Variants in ADGRG4 observed in about 807,000 individuals in gnomAD.
The protein encoded by ADGRG4 is adhesion G protein-coupled receptor G4.
In ADGRG4, 122 loss-of-function variants were observed where a neutral mutation model predicts 126.2. That is an observed-to-expected ratio of 0.97 (90% CI 0.83 to 1.12). The LOEUF (loss-of-function observed/expected upper bound fraction) is 1.12, where lower values mean the gene tolerates loss of function less well. Ranked by LOEUF, ADGRG4 falls within the 50% of genes most tolerant of loss-of-function variation. The pLI, the probability that ADGRG4 is intolerant of heterozygous loss-of-function variation, is 0.00. For synonymous variants in ADGRG4, 943 were observed against 838.7 expected, an observed-to-expected ratio of 1.12 and a Z score of -2.15; for missense variants, 2,481 against 2,251.8, an observed-to-expected ratio of 1.10 and a Z score of -2.06.
chrX:136,321,610 C>T (rs2074839823), intron 4 of ADGRG4, among the ~76,000 whole-genome samples: 1 of 111,437 alleles, frequency 9.0e-6, no homozygotes, highest in African/African-American at 3.3e-5. Flanking sequence ...CTGGCTTAGG[C>T]TGTACTGGCA....
At position 136,323,192 on chromosome X, in the gene ADGRG4, A is replaced by G; in HGVS notation, c.485A>G (p.His162Arg). ...CCTCATGGGACTCTGTTCCTAGGGC[A>G]CTTTCTCAAGAATGAGAGCAGCGAG... ...LTPHGTLFLG[H>R]FLKNESSEVK... Residue 162 changes from histidine (H) to arginine (R), a missense_variant, in exon 5 of 26, where the codon CAC becomes CGC. Transcript: ENST00000394143. The G allele has an allele frequency of 8.3e-7, 1 of 1,211,572 alleles. No homozygotes were observed. Among genetic ancestry groups the G allele is most frequent in the Non-Finnish European group, 1.1e-6 (1 of 895,244 alleles).
At chrX:136,324,697 G>C (rs1441224304) in intron 5 of ADGRG4, among the ~76,000 whole-genome samples, 5 of 112,066 alleles carry the variant, frequency 4.5e-5, no homozygotes, top group Non-Finnish European at 9.4e-5. Context: ...GTCAGTGAGA[G>C]TTTTTCAATC....
In ADGRG4 at chrX:136,387,749, G is replaced by A. The variant is rs2075299653; in HGVS notation, c.7786G>A (p.Gly2596Ser). The A allele has an allele frequency of 3.3e-6, 4 of 1,205,386 alleles. No individual in the cohort carries two copies. The highest frequency in any genetic ancestry group is 4.5e-6 in the Non-Finnish European group (4 of 893,115). ...TGGCTTTTCTTGGCAGATTTTCCTAGGCAATGTCCCTGTGGGAGGGATTTT... is the reference window on the plus strand; with the variant it reads ...TGGCTTTTCTTGGCAGATTTTCCTAAGCAATGTCCCTGTGGGAGGGATTTT... The part of the protein sequence containing the change: ...EEGTDPEIFL[G>S]NVPVGGILAS... The change falls in exon 16 of 26, where the codon GGC becomes AGC. Residue 2596 changes from glycine to serine, a missense_variant. By Grantham distance (56) the Gly-to-Ser change is moderately conservative. Coordinates refer to ENST00000394143, the MANE Select transcript of ADGRG4 (RefSeq NM_153834.4).
At chrX:136,331,880 G>C (rs1328247812) in intron 5 of ADGRG4, among the ~76,000 whole-genome samples, 1 of 104,951 alleles carries the variant, frequency 9.5e-6, no homozygotes, top group Non-Finnish European at 2.0e-5. Flanking sequence ...GCAGTGGTGC[G>C]ATCTCGGCTC....
chrX:136,338,265 C>T (rs1179146371), intron 5 of ADGRG4, among the ~76,000 whole-genome samples: 3 of 109,193 alleles, frequency 2.7e-5, no homozygotes, highest in Non-Finnish European at 3.8e-5. Context: ...TCAAGGGATT[C>T]TCATACCTCA....
chrX:136,380,547 T>TCC (rs1569332892), intron 15 of ADGRG4, among the ~76,000 whole-genome samples: 7 of 70,827 alleles, frequency 9.9e-5, no homozygotes, highest in Non-Finnish European at 1.2e-4. Context: ...CCTCCTCCTC[T>TCC]TCTTCTTCTT....
At position 136,393,581 on chromosome X, in the gene ADGRG4, G is replaced by A; in HGVS notation, c.8080+1G>A. On this transcript the variant is annotated splice_donor_variant, in intron 18 of 25. Transcript: ENST00000394143. LOFTEE classifies it high-confidence loss of function. ...GCCTTTTGGGATTTTGAGAATAATA[G>A]TAAGTATTTTTGTTAGCAACTTTGA... 1 of 1,194,862 alleles carries A rather than the reference G, an allele frequency of 8.4e-7. No homozygotes were observed. Among genetic ancestry groups the A allele is most frequent in the Non-Finnish European group, 1.1e-6 (1 of 881,807 alleles).
chrX:136,326,087 G>A (rs193169382), intron 5 of ADGRG4, among the ~76,000 whole-genome samples: 1 of 111,919 alleles, frequency 8.9e-6, no homozygotes, highest in East Asian at 2.8e-4. Flanking sequence ...ACAATCTAAC[G>A]TAACAAACAA....
At chrX:136,406,061 A>G (rs1160392262) in intron 23 of ADGRG4, 89 bp downstream of exon 23, 8 of 909,166 alleles carry the variant, frequency 8.8e-6, no homozygotes, top group South Asian at 2.7e-5. Context: ...TGTTGGAAAC[A>G]TTAACTAGAT....
rs1329755241 is a variant in ADGRG4, at chrX:136,345,998, A to G, written c.2292A>G (p.Ile764Met). The change falls in exon 6 of 26, where the codon ATA (isoleucine) becomes ATG (methionine). Residue 764 changes from isoleucine (I) to methionine (M), a missense_variant. Ile to Met is a conservative substitution (Grantham distance 10). Transcript: ENST00000394143. ...TTACCACTTTACTACTAAAAACAAT[A>G]CCTATGTCTACAAAACCTGCAAATG... ...FKLTTLLLKT[I>M]PMSTKPANEL... 1 of 1,206,855 alleles carries G rather than the reference A, an allele frequency of 8.3e-7. No homozygotes were observed. The highest frequency in any genetic ancestry group is 1.1e-6 in the Non-Finnish European group (1 of 892,190).
In ADGRG4 at chrX:136,345,915, G is replaced by T. The variant is rs151166259; in HGVS notation, c.2209G>T (p.Ala737Ser). The change falls in exon 6 of 26, where the codon GCT (alanine) becomes TCT (serine). Residue 737 changes from alanine to serine, a missense_variant. Ala to Ser is a moderately conservative substitution (Grantham distance 99). Transcript: ENST00000394143. ...AVSKLTSPWF[A>S]NFSIVSGTTS... is the part of the protein sequence containing the mutation. ...ATCCAAATTGACATCACCATGGTTT[G>T]CTAATTTCTCCATAGTTTCTGGAAC... The T allele has an allele frequency of 2.2e-3, 2,640 of 1,208,320 alleles. 33 individuals carry two copies. In the South Asian group the frequency reaches 0.043, roughly 20 times the overall value.
At position 136,349,113 on chromosome X, in the gene ADGRG4, G is replaced by A; in HGVS notation, c.5407G>A (p.Glu1803Lys). The A allele has an allele frequency of 8.3e-7, 1 of 1,205,367 alleles. No individual in the cohort carries two copies. The change falls in exon 6 of 26, where the codon GAA becomes AAA. Residue 1803 changes from glutamate (E) to lysine (K), a missense_variant. Physicochemically the swap from Glu to Lys is moderately conservative, Grantham distance 56. Transcript: ENST00000394143. ...SNTRKMTSLL[E>K]KTSLTNYATS... ...TACTAGAAAGATGACTTCCTTGTTAGAAAAGACTTCCTTAACAAACTATGC... is the reference window on the plus strand; with the variant it reads ...TACTAGAAAGATGACTTCCTTGTTAAAAAAGACTTCCTTAACAAACTATGC...
At chrX:136,350,481 C>T (rs756953558) in intron 6 of ADGRG4, 48 bp downstream of exon 6, 12 of 1,117,842 alleles carry the variant, frequency 1.1e-5, no homozygotes, top group Non-Finnish European at 1.4e-5. Context: ...AATTCATGCA[C>T]TATGGGTCAT....
At chrX:136,392,999 A>G (rs1235529706) in intron 17 of ADGRG4, among the ~76,000 whole-genome samples, 2 of 112,086 alleles carry the variant, frequency 1.8e-5, no homozygotes, top group African/African-American at 6.5e-5. Context: ...GAAACGTGTT[A>G]GATAGGTAAG....
chrX:136,382,516 G>C (rs1285977879), intron 15 of ADGRG4, among the ~76,000 whole-genome samples: 1 of 111,692 alleles, frequency 9.0e-6, no homozygotes, highest in East Asian at 2.8e-4. Flanking sequence ...CCTTCAGCAA[G>C]CACCTCTGCA....
At position 136,371,460 on chromosome X, in the gene ADGRG4, T is replaced by G. The variant is rs753670147; in HGVS notation, c.7529T>G (p.Leu2510Arg). The G allele has an allele frequency of 2.3e-5, 27 of 1,195,732 alleles. No homozygotes were observed. The highest frequency in any genetic ancestry group is 3.0e-5 in the Non-Finnish European group (27 of 885,621). The stretch of plus-strand genomic sequence containing the variant: ...CAATGTGATGAGATAAGTATGAACC[T>G]AACTCATGTTATGTTACAAATAATC... ...ISQCDEISMN[L>R]THVMLQIINV... The change falls in exon 14 of 26, where the codon CTA becomes CGA. Residue 2510 changes from leucine to arginine, a missense_variant. By Grantham distance (102) the Leu-to-Arg change is moderately radical. Coordinates refer to ENST00000394143, the MANE Select transcript of ADGRG4 (RefSeq NM_153834.4).
At chrX:136,363,134 G>A (rs1348173762) in intron 12 of ADGRG4, among the ~76,000 whole-genome samples, 6 of 111,718 alleles carry the variant, frequency 5.4e-5, no homozygotes, top group Non-Finnish European at 1.1e-4. Context: ...CCCCTTAAAA[G>A]AGGAGTAAGA....
At chrX:136,332,606 G>C (rs2148457241) in intron 5 of ADGRG4, among the ~76,000 whole-genome samples, 1 of 111,067 alleles carries the variant, frequency 9.0e-6, no homozygotes, top group South Asian at 3.9e-4. Flanking sequence ...GGTTGCACTA[G>C]TTTACAGTCC....
chrX:136,406,913 CAA>C (rs759585174), intron 23 of ADGRG4, among the ~76,000 whole-genome samples: 23 of 58,136 alleles, frequency 4.0e-4, no homozygotes, highest in African/African-American at 3.6e-4. Flanking sequence ...GAGACTCTGT[CAA>C]AAAAAAAAAA....
Sources: allele counts gnomAD v4.1 joint callset (sites outside exome capture counted in the v4.1 genomes callset), GRCh38; gene constraint gnomAD v4.1.1; transcripts MANE v1.5; gene names NCBI Gene and HGNC (gene_info 2026-07-23, HGNC 2026-07-21).